The following CAV1 variants were observed in gnomAD, a reference collection of about 807,000 sequenced individuals.
The protein encoded by CAV1 is caveolin-1.
Under a neutral mutation model 16.5 loss-of-function variants are expected in CAV1, and 10 were observed. The observed-to-expected ratio is 0.61, with a 90% CI of 0.37 to 1.03. CAV1 has a LOEUF of 1.03. Ranked by LOEUF, CAV1 falls within the 50% of genes least tolerant of loss-of-function variation. The pLI, the probability that CAV1 is intolerant of heterozygous loss-of-function variation, is 0.01. For missense variants in CAV1, 212 were observed against 232.8 expected, an observed-to-expected ratio of 0.91 and a Z score of 0.58; for synonymous variants, 76 against 85.1, an observed-to-expected ratio of 0.89 and a Z score of 0.59.
chr7:116,559,404 T>C lies in CAV1; in HGVS notation c.*117T>C. 1.4e-6 allele frequency: 1 copy of C among 730,126 alleles called. No homozygotes were observed. The highest frequency in any genetic ancestry group is 2.4e-6 in the Non-Finnish European group (1 of 422,438). The allele number at this position is 730,126 out of a possible 1,614,324, so 45.2% of individuals were successfully genotyped here. ...AATTTATGAATTGAATTATCTTGGT[T>C]GAAAATAAAAAGATCACTTTCTCAG... On this transcript the variant is annotated 3_prime_UTR_variant, in exon 3 of 3. Coordinates refer to ENST00000341049, the MANE Select transcript of CAV1 (RefSeq NM_001753.5).
intron 2 of CAV1, among the ~76,000 whole-genome samples, chr7:116,557,921 T>G (rs1196446549): frequency 6.6e-6 from 1 of 152,142 alleles, no homozygotes; most frequent in African/African-American, 2.4e-5. Flanking sequence ...AAAATAATAT[T>G]CAGTCTGGCC....
intron 2 of CAV1, among the ~76,000 whole-genome samples, chr7:116,545,850 G>A (rs778067736): frequency 1.3e-5 from 2 of 152,236 alleles, no homozygotes; most frequent in Non-Finnish European, 2.9e-5. Flanking sequence ...TGCCCAGAAG[G>A]TTGAAGAATA....
chr7:116,526,492 C>T, intron 1 of CAV1, 33 bp from the exon 2 acceptor site: 2 of 1,613,362 alleles, frequency 1.2e-6, no homozygotes, highest in Non-Finnish European at 1.7e-6. Context: ...GCCGCCCTCC[C>T]CGTCCTGGCC....
intron 1 of CAV1, chr7:116,525,427 G>C: frequency 7.0e-7 from 1 of 1,428,176 alleles, no homozygotes; most frequent in Non-Finnish European, 9.3e-7. Flanking sequence ...GGACCCCCGC[G>C]GTCCGGCCCT....
chr7:116,555,295 A>T (rs905625785), intron 2 of CAV1, among the ~76,000 whole-genome samples: 2 of 151,392 alleles, frequency 1.3e-5, no homozygotes, highest in Non-Finnish European at 2.9e-5. Context: ...AAAGCAAAAA[A>T]TTAGCCAGTG....
chr7:116,553,699 C>G (rs1057361645), intron 2 of CAV1, among the ~76,000 whole-genome samples: 1 of 152,156 alleles, frequency 6.6e-6, no homozygotes, highest in Non-Finnish European at 1.5e-5. Flanking sequence ...ACATAAAGTG[C>G]TGCTCCAAGC....
chr7:116,557,721 CT>C (rs927815271), intron 2 of CAV1, among the ~76,000 whole-genome samples: 7 of 151,962 alleles, frequency 4.6e-5, no homozygotes, highest in African/African-American at 1.7e-4. Context: ...CTTTTCTTTT[CT>C]TTTTTTTATG....
At chr7:116,526,135 C>G in intron 1 of CAV1, 1 of 318,466 alleles carries the variant, frequency 3.1e-6, no homozygotes, top group Non-Finnish European at 4.6e-6. Flanking sequence ...TTAGGGAGTC[C>G]GGGAGAAGCC....
Position 116,547,200 on chromosome 7 carries a change from G to T in CAV1, c.196-11746G>T, listed in dbSNP as rs376027445. On this transcript the variant is annotated intron_variant, in intron 2 of 2. Transcript: ENST00000341049. ...ATCCAAATAAAGTCACATTCTGAGT[G>T]TCTGGGGATTAGAACTTCAACAGAG... Among the ~76,000 whole-genome samples, 20 of 152,304 alleles carry T rather than the reference G, an allele frequency of 1.3e-4. No homozygotes were observed. In the East Asian group the frequency reaches 3.7e-3, roughly 28 times the overall value.
chr7:116,528,881 G>A (rs986925206), intron 2 of CAV1, among the ~76,000 whole-genome samples: 2 of 152,052 alleles, frequency 1.3e-5, no homozygotes, highest in Admixed American at 6.5e-5. Flanking sequence ...CCAGGCTGGA[G>A]TGCAGTGGCA....
chr7:116,559,345 C>A lies in CAV1; in HGVS notation c.*58C>A. ...TTTTTTCCTTTTAATTTTCCTGGTG[C>A]CAATTTCAAGTTCCAAGTTGCTAAT... On this transcript the variant is annotated 3_prime_UTR_variant, in exon 3 of 3. Coordinates refer to ENST00000341049, the MANE Select transcript of CAV1 (RefSeq NM_001753.5). The A allele has an allele frequency of 1.5e-6, 2 of 1,323,182 alleles. No individual in the cohort carries two copies. The highest frequency in any genetic ancestry group is 2.2e-6 in the Non-Finnish European group (2 of 928,046). The allele number at this position is 1,323,182 out of a possible 1,614,324, so 82.0% of individuals were successfully genotyped here.
rs897468050 is a variant in CAV1, at chr7:116,533,123, T to A, written c.195+6434T>A. Reference sequence around the variant, plus strand: ...TTGGGAGCTCAAGATTGGTGGATCATGAGGTTAGGAGAGCAAGATCATCCT... The same window carrying A: ...TTGGGAGCTCAAGATTGGTGGATCAAGAGGTTAGGAGAGCAAGATCATCCT... On this transcript the variant is annotated intron_variant, in intron 2 of 2. Transcript: ENST00000341049. Among the ~76,000 whole-genome samples the A allele has an allele frequency of 1.1e-4, 17 of 152,046 alleles. 1 individual carries two copies. Among genetic ancestry groups the A allele is most frequent in the African/African-American group, 4.1e-4 (17 of 41,380 alleles).
At chr7:116,555,146 T>G (rs1794233020) in intron 2 of CAV1, among the ~76,000 whole-genome samples, 1 of 152,000 alleles carries the variant, frequency 6.6e-6, no homozygotes, top group Non-Finnish European at 1.5e-5. Flanking sequence ...ATTGTCTATT[T>G]AAAAACCTAG....
intron 2 of CAV1, chr7:116,542,998 T>C (rs540843441): frequency 4.6e-5 from 7 of 152,312 alleles, no homozygotes; most frequent in Admixed American, 1.3e-4. Context: ...CTTAGGTTAC[T>C]GAGAAGATAC....
intron 2 of CAV1, among the ~76,000 whole-genome samples, chr7:116,534,384 TATATATATA>T (rs1475645569): frequency 9.6e-4 from 13 of 13,520 alleles, no homozygotes; most frequent in African/African-American, 3.3e-3. Context: ...TATATATATA[TATATATATA>T]TATTTTTTTT....
At chr7:116,555,966 T>C (rs1794286554) in intron 2 of CAV1, among the ~76,000 whole-genome samples, 2 of 152,204 alleles carry the variant, frequency 1.3e-5, no homozygotes, top group Admixed American at 1.3e-4. Context: ...TTTCAAAGAC[T>C]AAAGCAGCAA....
chr7:116,549,826 G>A (rs1255424518), intron 2 of CAV1, among the ~76,000 whole-genome samples: 1 of 152,096 alleles, frequency 6.6e-6, no homozygotes, highest in African/African-American at 2.4e-5. Flanking sequence ...AGGTATTATA[G>A]AGGATACCAG....
chr7:116,536,335 G>C (rs1001974793), intron 2 of CAV1, among the ~76,000 whole-genome samples: 5 of 152,172 alleles, frequency 3.3e-5, no homozygotes, highest in African/African-American at 7.2e-5. Flanking sequence ...TCAGGCTCAG[G>C]TGTGGACTGA....
chr7:116,556,760 G>A, intron 2 of CAV1, among the ~76,000 whole-genome samples: 1 of 143,680 alleles, frequency 7.0e-6, no homozygotes, highest in East Asian at 2.1e-4. Flanking sequence ...TTTAATAAAG[G>A]TGATGGATCA....
Sources: allele counts gnomAD v4.1 joint callset (sites outside exome capture counted in the v4.1 genomes callset), GRCh38; gene constraint gnomAD v4.1.1; transcripts MANE v1.5; gene names NCBI Gene and HGNC (gene_info 2026-07-23, HGNC 2026-07-21).